Variants in PDE9A observed in about 807,000 individuals in gnomAD.
PDE9A encodes the protein phosphodiesterase 9A.
PDE9A carries 60 observed loss-of-function variants against 87.4 expected under a neutral mutation model. The ratio of observed to expected loss-of-function variants is 0.69; its 90% CI spans 0.56 to 0.85. The LOEUF is 0.85. Among genes scored for constraint, PDE9A ranks in the 40% least tolerant of loss-of-function variants. The probability of loss-of-function intolerance (pLI) is 0.00; values close to 1 mark genes in which losing one functional copy is unlikely to be tolerated. For synonymous variants in PDE9A, 272 were observed against 279.4 expected, an observed-to-expected ratio of 0.97 and a Z score of 0.27; for missense variants, 665 against 779.0, an observed-to-expected ratio of 0.85 and a Z score of 1.74.
At chr21:42,687,850 T>A (rs2839573) in intron 2 of PDE9A, 67 bp from the exon 3 acceptor site, 418,742 of 1,334,360 alleles carry the variant, frequency 0.31, 68,797 homozygotes, top group East Asian at 0.51. Context: ...TGGCCCCATG[T>A]GTACATTCAA....
intron 1 of PDE9A, among the ~76,000 whole-genome samples, chr21:42,667,583 G>T (rs1037853601): frequency 4.6e-5 from 7 of 152,184 alleles, no homozygotes; most frequent in African/African-American, 1.2e-4. Context: ...CACTTGGCCT[G>T]CTTCTCAGAT....
rs753116461 is a variant in PDE9A, at chr21:42,762,058, C to T, written c.1086-25C>T. ...TACCTGGTGAGGGCGCCTGAGTCTC[C>T]CCTCACTCTCTCCTTGCCTCCCAGG... On this transcript the variant is annotated intron_variant, in intron 13 of 19. Transcript: ENST00000291539. 3.1e-6 allele frequency: 5 copies of T among 1,606,944 alleles called. No homozygotes were observed. The Admixed American group carries it at 8.4e-5, about 27-fold the overall frequency.
intron 4 of PDE9A, among the ~76,000 whole-genome samples, chr21:42,711,586 A>T (rs2146466212): frequency 6.6e-6 from 1 of 152,086 alleles, no homozygotes; most frequent in Admixed American, 6.6e-5. Context: ...TGGCCCTAAT[A>T]ATTTTTTTTA....
intron 10 of PDE9A, among the ~76,000 whole-genome samples, chr21:42,755,268 C>T (rs1020008847): frequency 1.1e-4 from 17 of 152,268 alleles, no homozygotes; most frequent in Non-Finnish European, 2.4e-4. Context: ...CCTCTTGGCA[C>T]CCCTGAGGCC....
intron 7 of PDE9A, among the ~76,000 whole-genome samples, chr21:42,737,037 A>G (rs1342906587): frequency 6.6e-6 from 1 of 152,248 alleles, no homozygotes; most frequent in Non-Finnish European, 1.5e-5. Flanking sequence ...GCAGAAACGG[A>G]AAGTCCTTTT....
intron 3 of PDE9A, among the ~76,000 whole-genome samples, chr21:42,689,014 G>A (rs919896613): frequency 6.6e-6 from 1 of 151,820 alleles, no homozygotes; most frequent in African/African-American, 2.4e-5. Flanking sequence ...GCGCTCAGTA[G>A]ACATGGCCAG....
chr21:42,680,618 G>A (rs2059118145), intron 1 of PDE9A, among the ~76,000 whole-genome samples: 1 of 152,236 alleles, frequency 6.6e-6, no homozygotes, highest in Admixed American at 6.5e-5. Context: ...CTGGGCCATG[G>A]CCCGTACCAA....
intron 4 of PDE9A, among the ~76,000 whole-genome samples, chr21:42,699,843 G>A (rs2048247586): frequency 6.6e-6 from 1 of 152,154 alleles, no homozygotes; most frequent in Non-Finnish European, 1.5e-5. Flanking sequence ...ACAGGCGTGA[G>A]CCACAGCACC....
intron 4 of PDE9A, among the ~76,000 whole-genome samples, chr21:42,719,499 G>C (rs1453206916): frequency 7.1e-6 from 1 of 141,420 alleles, no homozygotes; most frequent in Non-Finnish European, 1.5e-5. Context: ...AAATTAGCCG[G>C]GTGTGGTGGT....
At chr21:42,724,769 A>G (rs1602281283) in intron 4 of PDE9A, 1 of 171,548 alleles carries the variant, frequency 5.8e-6, no homozygotes. Flanking sequence ...ATGACAGACC[A>G]GGATACCAGC....
chr21:42,716,359 C>A (rs1055636452), intron 4 of PDE9A, among the ~76,000 whole-genome samples: 1 of 151,800 alleles, frequency 6.6e-6, no homozygotes, highest in South Asian at 2.1e-4. Context: ...CAGCAATGAA[C>A]GAGCATTCCT....
chr21:42,763,723 T>G (rs1437463439), intron 14 of PDE9A, among the ~76,000 whole-genome samples: 1 of 152,200 alleles, frequency 6.6e-6, no homozygotes, highest in Non-Finnish European at 1.5e-5. Context: ...AGTGGCTTCC[T>G]TCCAGAGGCA....
At position 42,775,492 on chromosome 21, in the gene PDE9A, T is replaced by TACGGA; in HGVS notation, c.*200_*201insCGGAA. 1 of 514,316 alleles carries TACGGA rather than the reference T, an allele frequency of 1.9e-6. No individual in the cohort carries two copies. Among genetic ancestry groups the TACGGA allele is most frequent in the Non-Finnish European group, 3.5e-6 (1 of 289,484 alleles). 31.9% of individuals were successfully genotyped at this position (514,316 alleles called of 1,614,324 possible). A position where few individuals can be genotyped will look rare whatever the true frequency, so the allele number is the denominator to read the frequency against. On this transcript the variant is annotated 3_prime_UTR_variant, in exon 20 of 20. Transcript: ENST00000291539. ...TATTTTTAAACTGTCTTTTAAATAATATATTCTTATACGGAAATGGGTACT... is the reference window on the plus strand; with the variant it reads ...TATTTTTAAACTGTCTTTTAAATAATACGGAATATTCTTATACGGAAATGGGTACT...
At chr21:42,681,934 G>A (rs1463410374) in intron 1 of PDE9A, among the ~76,000 whole-genome samples, 1 of 152,214 alleles carries the variant, frequency 6.6e-6, no homozygotes, top group Non-Finnish European at 1.5e-5. Flanking sequence ...AGGCAGCCTA[G>A]GGGTCCTCCC....
At position 42,722,028 on chromosome 21, in the gene PDE9A, T is replaced by C. The variant is rs1405101525; in HGVS notation, c.263-9742T>C. 6.6e-6 allele frequency among the ~76,000 whole-genome samples: 1 copy of C among 151,550 alleles called. No homozygotes were observed. Among genetic ancestry groups the C allele is most frequent in the Admixed American group, 6.6e-5 (1 of 15,174 alleles). On this transcript the variant is annotated intron_variant, in intron 4 of 19. Transcript: ENST00000291539. The surrounding 1 kb of genome is among the most constrained non-coding windows in gnomAD (Gnocchi z 4.1). ...ATCTTGCTCTGTCACCAGGCTGGAG[T>C]GCAGTGGCACAATCTCAGCTCACTG...
Position 42,769,046 on chromosome 21 carries a change from A to G in PDE9A, c.1481A>G (p.Glu494Gly). 1 of 1,613,222 alleles carries G rather than the reference A, an allele frequency of 6.2e-7. No individual in the cohort carries two copies. Among genetic ancestry groups the G allele is most frequent in the Non-Finnish European group, 8.5e-7 (1 of 1,179,322 alleles). Reference sequence around the variant, plus strand: ...CTGCAGAGCGACCGTGAGAAGTCAGAAGGCCTTCCTGTGGCACCGTTCATG... The same window carrying G: ...CTGCAGAGCGACCGTGAGAAGTCAGGAGGCCTTCCTGTGGCACCGTTCATG... ...YFMQSDREKS[E>G]GLPVAPFMDR... The change falls in exon 17 of 20, where the codon GAA (glutamate) becomes GGA (glycine). Residue 494 changes from glutamate (E) to glycine (G), a missense_variant. Physicochemically the swap from Glu to Gly is moderately conservative, Grantham distance 98. Transcript: ENST00000291539.
Position 42,769,693 on chromosome 21 carries a change from TACAC to T in PDE9A, c.1590+542_1590+545del, listed in dbSNP as rs762240807. Among the ~76,000 whole-genome samples, 6 of 40,882 alleles carry T rather than the reference TACAC, an allele frequency of 1.5e-4. No individual in the cohort carries two copies. In the East Asian group the frequency reaches 2.0e-3, roughly 14 times the overall value. The allele number at this position is 40,882 out of a possible 152,430, so 26.8% of individuals were successfully genotyped here. ...ACAAATGCACACACAGGCACACACATACACACATGCACACAGGTACACGCAGGCA... is the reference window on the plus strand; with the variant it reads ...ACAAATGCACACACAGGCACACACATACATGCACACAGGTACACGCAGGCA... On this transcript the variant is annotated intron_variant, in intron 17 of 19. Coordinates refer to ENST00000291539, the MANE Select transcript of PDE9A (RefSeq NM_002606.3).
chr21:42,729,600 G>A (rs1373659279), intron 4 of PDE9A, among the ~76,000 whole-genome samples: 2 of 152,002 alleles, frequency 1.3e-5, no homozygotes, highest in African/African-American at 4.8e-5. Flanking sequence ...GGCTTATTGA[G>A]TTGAGATTTT....
intron 1 of PDE9A, among the ~76,000 whole-genome samples, chr21:42,658,502 T>C (rs1353938412): frequency 6.6e-6 from 1 of 152,238 alleles, no homozygotes; most frequent in African/African-American, 2.4e-5. Flanking sequence ...CTGCGTGCCT[T>C]TCCCCTCTCC....
Sources: gnomAD v4.1 joint callset for allele counts (sites outside exome capture counted in the v4.1 genomes callset) on GRCh38, gnomAD v4.1.1 for gene constraint, Gnocchi (gnomAD v3.1) non-coding constraint, MANE v1.5 for transcripts, NCBI Gene and HGNC (gene_info 2026-07-23, HGNC 2026-07-21) for gene names.